PAH: variants seen among roughly 807,000 people sequenced by gnomAD.
PAH encodes phenylalanine hydroxylase, also known as phenylalanine-4-hydroxylase.
Under a neutral mutation model 62.0 loss-of-function variants are expected in PAH, and 64 were observed. The observed-to-expected ratio is 1.03, with a 90% CI of 0.84 to 1.27. PAH has a LOEUF of 1.27. Among genes scored for constraint, PAH ranks in the 50% most tolerant of loss-of-function variants. The pLI is 0.00. For synonymous variants in PAH, 195 were observed against 196.2 expected, an observed-to-expected ratio of 0.99 and a Z score of 0.05; for missense variants, 579 against 542.8, an observed-to-expected ratio of 1.07 and a Z score of -0.66.
chr12:102,880,045 C>T (rs1046877899), intron 3 of PAH, among the ~76,000 whole-genome samples: 7 of 152,154 alleles, frequency 4.6e-5, no homozygotes, highest in African/African-American at 1.4e-4. Context: ...ATTATTATCC[C>T]GTTTTACAGA....
chr12:102,939,671 A>C (rs1020056191), intron 1 of PAH, among the ~76,000 whole-genome samples: 6 of 152,166 alleles, frequency 3.9e-5, no homozygotes, highest in Non-Finnish European at 8.8e-5. Context: ...TTAACCATGC[A>C]GGGCCCCCAG....
At chr12:102,913,416 C>T (rs1878276403) in intron 1 of PAH, among the ~76,000 whole-genome samples, 2 of 152,256 alleles carry the variant, frequency 1.3e-5, no homozygotes, top group African/African-American at 4.8e-5. Context: ...ATCGTAAGAC[C>T]TGGATTGGAA....
At chr12:102,888,957 T>A (rs886606615) in intron 3 of PAH, among the ~76,000 whole-genome samples, 1 of 151,746 alleles carries the variant, frequency 6.6e-6, no homozygotes. Flanking sequence ...GGTTTAGAAC[T>A]GAGAAGAGGG....
upstream of PAH, among the ~76,000 whole-genome samples, chr12:102,954,751 C>T (rs1035884165): frequency 3.3e-5 from 5 of 152,190 alleles, no homozygotes; most frequent in African/African-American, 1.2e-4. Flanking sequence ...CCATCTTTTG[C>T]TTCACACTGG....
chr12:102,875,309 A>T (rs1248260832), intron 4 of PAH, among the ~76,000 whole-genome samples: 2 of 152,200 alleles, frequency 1.3e-5, no homozygotes, highest in Non-Finnish European at 2.9e-5. Context: ...TTGAGGATAC[A>T]GGGAGAAAAA....
chr12:102,928,695 T>G (rs965539820), intron 1 of PAH, among the ~76,000 whole-genome samples: 1 of 152,128 alleles, frequency 6.6e-6, no homozygotes, highest in Non-Finnish European at 1.5e-5. Context: ...GGTGCTCAGT[T>G]TCCTGATAAG....
At position 102,858,459 on chromosome 12, in the gene PAH, C is replaced by T. The variant is rs930552981; in HGVS notation, c.510-3127G>A. ...AAGGATGTCCAGGAATTGAACTCAG[C>T]TCTGCACCAAGCGGACCTAACAGAC... On this transcript the variant is annotated intron_variant, in intron 5 of 12. Coordinates refer to ENST00000553106, the MANE Select transcript of PAH (RefSeq NM_000277.3). Among the ~76,000 whole-genome samples, 8 of 152,220 alleles carry T rather than the reference C, an allele frequency of 5.3e-5. No individual in the cohort carries two copies. The South Asian group carries it at 1.0e-3, about 20-fold the overall frequency.
At position 102,895,873 on chromosome 12, in the gene PAH, T is replaced by A. The variant is rs766614552; in HGVS notation, c.169-955A>T. 9.7e-4 allele frequency among the ~76,000 whole-genome samples: 136 copies of A among 140,290 alleles called. 2 individuals are homozygous for A. The highest frequency in any genetic ancestry group is 2.2e-3 in the African/African-American group (80 of 35,674). 92.0% of individuals were successfully genotyped at this position (140,290 alleles called of 152,430 possible). On this transcript the variant is annotated intron_variant, in intron 2 of 12. Coordinates refer to ENST00000553106, the MANE Select transcript of PAH (RefSeq NM_000277.3). ...CTGTCTCAAAAAAAAAAAAAAAATA[T>A]ATATATATATATATATATGTATATA...
At chr12:102,903,784 C>T (rs1207872552) in intron 2 of PAH, among the ~76,000 whole-genome samples, 1 of 152,170 alleles carries the variant, frequency 6.6e-6, no homozygotes, top group Non-Finnish European at 1.5e-5. Flanking sequence ...AACCTACCCA[C>T]ATACGTCAGA....
chr12:102,865,307 T>A (rs1345294547), intron 5 of PAH, among the ~76,000 whole-genome samples: 2 of 152,074 alleles, frequency 1.3e-5, no homozygotes, highest in African/African-American at 4.8e-5. Flanking sequence ...CCCCAGACAC[T>A]CAGAAGAGTG....
At chr12:102,904,441 G>A (rs1176325121) in intron 2 of PAH, among the ~76,000 whole-genome samples, 1 of 152,190 alleles carries the variant, frequency 6.6e-6, no homozygotes, top group Non-Finnish European at 1.5e-5. Context: ...TATAGGAAAT[G>A]CTGAGTGAGA....
rs1001157226 is a variant in PAH, at chr12:102,894,971, C to A, written c.169-53G>T. 3.8e-6 allele frequency: 5 copies of A among 1,331,326 alleles called. No individual in the cohort carries two copies. In the African/African-American group the frequency reaches 7.2e-5, roughly 19 times the overall value. The allele number at this position is 1,331,326 out of a possible 1,614,324, so 82.5% of individuals were successfully genotyped here. On this transcript the variant is annotated intron_variant, in intron 2 of 12. Transcript: ENST00000553106. Reference sequence around the variant, plus strand: ...AGACAGTCACTGGAACTAACGCAGGCCAAAGATGCAGAACCAGAACAGGAA... The same window carrying A: ...AGACAGTCACTGGAACTAACGCAGGACAAAGATGCAGAACCAGAACAGGAA...
chr12:102,920,672 T>C (rs188761213), upstream of PAH, among the ~76,000 whole-genome samples: 596 of 152,316 alleles, frequency 3.9e-3, 5 homozygotes, highest in African/African-American at 0.014. Context: ...TTCTCTAATA[T>C]GATGTTTAGC....
In PAH at chr12:102,912,786, C is replaced by G. The variant is rs62507288; in HGVS notation, c.168+5G>C. On this transcript the variant is annotated splice_donor_5th_base_variant and intron_variant, in intron 2 of 12. Coordinates refer to ENST00000553106, the MANE Select transcript of PAH (RefSeq NM_000277.3). ...ATCCAAGACAAACATGATTGTAGCA[C>G]TGACCTCAAATAAGCGCAATACTTT... 26 of 1,589,800 alleles carry G rather than the reference C, an allele frequency of 1.6e-5. No individual in the cohort carries two copies. Among genetic ancestry groups the G allele is most frequent in the Non-Finnish European group, 1.7e-5 (20 of 1,157,978 alleles).
intron 1 of PAH, among the ~76,000 whole-genome samples, chr12:102,935,274 A>G (rs1879059329): frequency 6.6e-6 from 1 of 151,972 alleles, no homozygotes; most frequent in African/African-American, 2.4e-5. Flanking sequence ...GATCTTTTAA[A>G]CGTGATATTG....
chr12:102,929,817 C>A (rs777884621), intron 1 of PAH, among the ~76,000 whole-genome samples: 2 of 152,070 alleles, frequency 1.3e-5, no homozygotes, highest in Non-Finnish European at 2.9e-5. Flanking sequence ...TATGAGCCAG[C>A]ATGAGAAACA....
At chr12:102,944,058 T>G (rs905996143) in intron 1 of PAH, among the ~76,000 whole-genome samples, 2 of 152,202 alleles carry the variant, frequency 1.3e-5, no homozygotes, top group African/African-American at 4.8e-5. Flanking sequence ...AAAATAGTTT[T>G]TTCCCTTCAG....
At chr12:102,882,315 T>G (rs1380278146) in intron 3 of PAH, among the ~76,000 whole-genome samples, 4 of 152,092 alleles carry the variant, frequency 2.6e-5, no homozygotes, top group African/African-American at 7.2e-5. Context: ...CCAGCAATGG[T>G]TAAGAGTCTT....
At position 102,843,684 on chromosome 12, in the gene PAH, G is replaced by A. The variant is rs149595475; in HGVS notation, c.1161C>T (p.Tyr387=). Residue 387 remains tyrosine (Y), a synonymous_variant, in exon 11 of 13, where the codon TAC becomes TAT. Coordinates refer to ENST00000553106, the MANE Select transcript of PAH (RefSeq NM_000277.3). ...TGGCATCATTAAAACTCTCTGCCACGTAATAGAGGGGCTGGAACTCCGTGA... is the reference window on the plus strand; with the variant it reads ...TGGCATCATTAAAACTCTCTGCCACATAATAGAGGGGCTGGAACTCCGTGA... The part of the protein sequence containing the change: ...YTVTEFQPLY[Y]VAESFNDAKE... 747 of 1,613,640 alleles carry A rather than the reference G, an allele frequency of 4.6e-4. No individual in the cohort carries two copies. Among genetic ancestry groups the A allele is most frequent in the Non-Finnish European group, 5.8e-4 (688 of 1,179,724 alleles).
Sources: allele counts gnomAD v4.1 joint callset (sites outside exome capture counted in the v4.1 genomes callset), GRCh38; gene constraint gnomAD v4.1.1; transcripts MANE v1.5; gene names NCBI Gene and HGNC (gene_info 2026-07-23, HGNC 2026-07-21).